The following EPB41L4A variants were observed in gnomAD, a reference collection of about 807,000 sequenced individuals.
The protein encoded by EPB41L4A is erythrocyte membrane protein band 4.1 like 4A.
EPB41L4A carries 100 observed loss-of-function variants against 108.6 expected under a neutral mutation model. The observed-to-expected ratio is 0.92, with a 90% CI of 0.78 to 1.09. The LOEUF is 1.09. Ranked by LOEUF, EPB41L4A falls within the 50% of genes least tolerant of loss-of-function variation. EPB41L4A has a pLI of 0.00. For synonymous variants in EPB41L4A, 319 were observed against 289.0 expected, an observed-to-expected ratio of 1.10 and a Z score of -1.05; for missense variants, 1,030 against 842.7, an observed-to-expected ratio of 1.22 and a Z score of -2.75.
intron 1 of EPB41L4A, among the ~76,000 whole-genome samples, chr5:112,347,182 ACACACACATG>A (rs999939341): frequency 1.3e-5 from 2 of 152,210 alleles, no homozygotes; most frequent in African/African-American, 2.4e-5. Context: ...GGATGCACGC[ACACACACATG>A]CACACACATG....
At chr5:112,165,290 T>C (rs1246257973) in intron 22 of EPB41L4A, among the ~76,000 whole-genome samples, 172 bp from the exon 23 acceptor site, 1 of 152,194 alleles carries the variant, frequency 6.6e-6, no homozygotes, top group Non-Finnish European at 1.5e-5. Flanking sequence ...CTGTGCAAAA[T>C]AAAGTTTGTA....
intron 9 of EPB41L4A, among the ~76,000 whole-genome samples, chr5:112,249,807 T>A (rs1402064520): frequency 6.6e-6 from 1 of 152,196 alleles, no homozygotes; most frequent in African/African-American, 2.4e-5. Flanking sequence ...AGAAGGGTTC[T>A]TTGCTCAGAT....
chr5:112,296,719 C>A (rs1754009316), intron 2 of EPB41L4A, among the ~76,000 whole-genome samples: 1 of 152,250 alleles, frequency 6.6e-6, no homozygotes, highest in South Asian at 2.1e-4. Context: ...AAGCAGTATA[C>A]ACTGAAGCCA....
At chr5:112,256,522 A>T (rs1751110117) in intron 9 of EPB41L4A, among the ~76,000 whole-genome samples, 1 of 152,206 alleles carries the variant, frequency 6.6e-6, no homozygotes. Context: ...AAAATTCCAC[A>T]GCTTTCAATT....
At chr5:112,162,416 T>C (rs1327406760), downstream of EPB41L4A, 2 of 152,228 alleles carry the variant, frequency 1.3e-5, no homozygotes, top group Non-Finnish European at 2.9e-5. Flanking sequence ...GTCACCATAA[T>C]TAATAGCCTT....
intron 1 of EPB41L4A, among the ~76,000 whole-genome samples, chr5:112,377,114 A>G (rs535508864): frequency 3.2e-4 from 48 of 152,102 alleles, no homozygotes; most frequent in African/African-American, 1.1e-3. Context: ...CTGAGATGAG[A>G]AGATCACTCA....
At chr5:112,187,957 C>T (rs1422379924) in intron 17 of EPB41L4A, among the ~76,000 whole-genome samples, 7 of 152,188 alleles carry the variant, frequency 4.6e-5, no homozygotes, top group Non-Finnish European at 1.5e-5. Context: ...GGTCAAGTCT[C>T]AGGTTGTTCA....
Position 112,170,370 on chromosome 5 carries a change from CT to C in EPB41L4A, c.1671-2del, listed in dbSNP as rs750761176. The C allele has an allele frequency of 6.3e-7, 1 of 1,589,016 alleles. No individual in the cohort carries two copies. The highest frequency in any genetic ancestry group is 1.1e-5 in the South Asian group (1 of 90,390). ...TCCGGATGGATCCACAAGTTCTTTT[CT>C]GTAAAGGAATATGCAAGAAAATGAT... On this transcript the variant is annotated splice_acceptor_variant, in intron 19 of 22. Coordinates refer to ENST00000261486, the MANE Select transcript of EPB41L4A (RefSeq NM_022140.5). LOFTEE classifies it high-confidence loss of function.
chr5:112,237,288 C>A (rs1307329944), intron 11 of EPB41L4A, among the ~76,000 whole-genome samples: 1 of 152,158 alleles, frequency 6.6e-6, no homozygotes, highest in African/African-American at 2.4e-5. Context: ...CCTTTCCTCA[C>A]AAATTTAATT....
At chr5:112,332,253 T>C (rs1202604313) in intron 1 of EPB41L4A, among the ~76,000 whole-genome samples, 1 of 152,232 alleles carries the variant, frequency 6.6e-6, no homozygotes, top group African/African-American at 2.4e-5. Context: ...TCATCCCATC[T>C]TTCTTTTGTC....
At chr5:112,293,499 G>A (rs57428532) in intron 2 of EPB41L4A, among the ~76,000 whole-genome samples, 26,945 of 152,098 alleles carry the variant, frequency 0.18, 3,012 homozygotes, top group African/African-American at 0.31. Context: ...TATTATACAT[G>A]ACCCATGGAA....
chr5:112,213,352 T>G (rs1018254068), intron 12 of EPB41L4A, among the ~76,000 whole-genome samples: 16 of 80,850 alleles, frequency 2.0e-4, no homozygotes, highest in African/African-American at 6.5e-4. Flanking sequence ...TTTTTTTTTT[T>G]GTTTTTTTTT....
At chr5:112,212,861 C>G (rs1747304870) in intron 12 of EPB41L4A, among the ~76,000 whole-genome samples, 1 of 152,162 alleles carries the variant, frequency 6.6e-6, no homozygotes, top group African/African-American at 2.4e-5. Flanking sequence ...TGCTCCCACC[C>G]TCATTCTCTT....
intron 1 of EPB41L4A, among the ~76,000 whole-genome samples, chr5:112,414,294 G>T (rs1366604200): frequency 6.6e-6 from 1 of 152,108 alleles, no homozygotes; most frequent in Non-Finnish European, 1.5e-5. Flanking sequence ...AAAATAGAAG[G>T]CATCTAAAAG....
chr5:112,417,698 C>A (rs994312234), intron 1 of EPB41L4A, among the ~76,000 whole-genome samples: 4 of 152,154 alleles, frequency 2.6e-5, no homozygotes, highest in Non-Finnish European at 4.4e-5. Context: ...GAGAATCGAA[C>A]TGAATTTTGC....
intron 15 of EPB41L4A, among the ~76,000 whole-genome samples, chr5:112,197,631 C>T (rs1012323550): frequency 6.6e-6 from 1 of 152,144 alleles, no homozygotes; most frequent in African/African-American, 2.4e-5. Context: ...TCTGAGAGAA[C>T]AGCAAAACTC....
intron 1 of EPB41L4A, among the ~76,000 whole-genome samples, chr5:112,369,257 A>T (rs1759332321): frequency 6.6e-6 from 1 of 151,914 alleles, no homozygotes; most frequent in African/African-American, 2.4e-5. Flanking sequence ...TTCCACACCA[A>T]CTTCCCCTGT....
In EPB41L4A at chr5:112,189,977, C is replaced by G. The variant is rs74332367; in HGVS notation, c.1502+4591G>C. ...GCGAGGTCCTCCTTCATCCTACACC[C>G]TGGGCAAGTCCAGCACATGGCCCAT... On this transcript the variant is annotated intron_variant, in intron 17 of 22. Coordinates refer to ENST00000261486, the MANE Select transcript of EPB41L4A (RefSeq NM_022140.5). Among the ~76,000 whole-genome samples the G allele has an allele frequency of 5.3e-4, 81 of 152,324 alleles. 1 individual carries two copies. The highest frequency in any genetic ancestry group is 1.9e-3 in the African/African-American group (80 of 41,564).
chr5:112,305,048 C>A, intron 2 of EPB41L4A, among the ~76,000 whole-genome samples: 1 of 152,216 alleles, frequency 6.6e-6, no homozygotes, highest in East Asian at 1.9e-4. Context: ...AAAGGGAAGA[C>A]TGCGCTGCTG....
Sources: allele counts gnomAD v4.1 joint callset (sites outside exome capture counted in the v4.1 genomes callset), GRCh38; gene constraint gnomAD v4.1.1; transcripts MANE v1.5; gene names NCBI Gene and HGNC (gene_info 2026-07-23, HGNC 2026-07-21).